STK31: variants seen among roughly 807,000 people sequenced by gnomAD.
The protein encoded by STK31 is serine/threonine-protein kinase 31.
In STK31, 89 loss-of-function variants were observed where a neutral mutation model predicts 129.7. The ratio of observed to expected loss-of-function variants is 0.69; its 90% CI spans 0.58 to 0.82. The LOEUF is 0.82. STK31 is among the 40% of genes least tolerant of loss of function. STK31 has a pLI of 0.00. For missense variants in STK31, 1,187 were observed against 1,176.4 expected (o/e 1.01, Z -0.13); for synonymous variants, 448 against 395.3 (o/e 1.13, Z -1.58).
At chr7:23,829,522 G>A (rs192626327) in intron 23 of STK31, among the ~76,000 whole-genome samples, 1,522 of 152,178 alleles carry the variant, frequency 0.01, 14 homozygotes, top group Non-Finnish European at 0.016. Flanking sequence ...TGTTGGATTC[G>A]GATTGGTAGT....
intron 8 of STK31, among the ~76,000 whole-genome samples, chr7:23,746,780 A>T (rs187826581): frequency 6.6e-6 from 1 of 152,136 alleles, no homozygotes; most frequent in Non-Finnish European, 1.5e-5. Context: ...GGTGACAGAG[A>T]TGGAAGAGGT....
intron 8 of STK31, among the ~76,000 whole-genome samples, chr7:23,742,419 A>C (rs1006547721): frequency 2.0e-5 from 3 of 152,162 alleles, no homozygotes; most frequent in African/African-American, 7.2e-5. Context: ...CCTGGTATCT[A>C]AACTCTTAAA....
intron 3 of STK31, among the ~76,000 whole-genome samples, chr7:23,717,097 C>CTTTTTTTTTTTTTTTTTTTTTTT (rs70956911): frequency 4.7e-5 from 2 of 42,956 alleles, no homozygotes; most frequent in Admixed American, 3.0e-4. Flanking sequence ...TCGCAACCTG[C>CTTTTTTTTTTTTTTTTTTTTTTT]TTTTTTTTTT....
chr7:23,776,612 T>C (rs1255361466), intron 15 of STK31, among the ~76,000 whole-genome samples: 1 of 152,230 alleles, frequency 6.6e-6, no homozygotes, highest in Admixed American at 6.5e-5. Flanking sequence ...TCTAGTCGAT[T>C]TGCATAGAGG....
At chr7:23,761,603 G>T (rs533020316) in intron 10 of STK31, among the ~76,000 whole-genome samples, 2 of 151,468 alleles carry the variant, frequency 1.3e-5, no homozygotes, top group Admixed American at 6.6e-5. Context: ...TGTATTTTTA[G>T]TAGAGATGGG....
intron 23 of STK31, among the ~76,000 whole-genome samples, chr7:23,818,886 A>G (rs1387441155): frequency 6.6e-6 from 1 of 152,120 alleles, no homozygotes; most frequent in Admixed American, 6.5e-5. Flanking sequence ...CAGCCTCCCA[A>G]AGTTCTGGGA....
chr7:23,790,743 T>A (rs1330904738), intron 21 of STK31, 81 bp from the exon 22 acceptor site: 20 of 1,259,532 alleles, frequency 1.6e-5, no homozygotes, highest in Non-Finnish European at 2.0e-5. Flanking sequence ...TTGTTTTTTG[T>A]ATTGATTAAA....
At chr7:23,782,424 A>G (rs2128109070) in intron 16 of STK31, among the ~76,000 whole-genome samples, 1 of 147,288 alleles carries the variant, frequency 6.8e-6, no homozygotes, top group Middle Eastern at 3.4e-3. Context: ...TTGAGCTATG[A>G]TCATGCCTCT....
chr7:23,717,038 A>G (rs1003677507), intron 3 of STK31, among the ~76,000 whole-genome samples: 1 of 140,178 alleles, frequency 7.1e-6, no homozygotes, highest in Non-Finnish European at 1.5e-5. Flanking sequence ...CTCAAAAATG[A>G]TCCTCCCACC....
chr7:23,809,420 T>G (rs1378016675), intron 22 of STK31, among the ~76,000 whole-genome samples: 6 of 152,156 alleles, frequency 3.9e-5, no homozygotes, highest in African/African-American at 1.2e-4. Context: ...CTTATTTTAC[T>G]GAAAAACTTG....
chr7:23,826,614 G>A (rs144455875), intron 23 of STK31, among the ~76,000 whole-genome samples: 3,758 of 152,184 alleles, frequency 0.025, 85 homozygotes, highest in African/African-American at 0.061. Flanking sequence ...GATTAATATT[G>A]TTATGTGTGA....
At chr7:23,774,389 G>C (rs1584423187) in intron 15 of STK31, among the ~76,000 whole-genome samples, 1 of 152,018 alleles carries the variant, frequency 6.6e-6, no homozygotes, top group Admixed American at 6.6e-5. Context: ...CTAGTTTACA[G>C]TCCCACCAAC....
chr7:23,761,464 A>G lies in STK31; in HGVS notation c.1294-1337A>G, dbSNP rs558465744. Among the ~76,000 whole-genome samples the G allele has an allele frequency of 2.0e-3, 296 of 147,292 alleles. 1 individual carries two copies. Among genetic ancestry groups the G allele is most frequent in the African/African-American group, 7.2e-3 (285 of 39,532 alleles). On this transcript the variant is annotated intron_variant, in intron 10 of 23. Transcript: ENST00000355870. ...GAGACGGAGTCTCGCTCTGTCGCCC[A>G]GGCCGGAGTGCAGTGGTGTGATCTC... is the stretch of plus-strand genomic sequence containing the variant.
chr7:23,735,625 C>T lies in STK31; in HGVS notation c.571C>T (p.Gln191Ter). 2 of 1,614,010 alleles carry T rather than the reference C, an allele frequency of 1.2e-6. No homozygotes were observed. The highest frequency in any genetic ancestry group is 1.7e-6 in the Non-Finnish European group (2 of 1,179,980). ...ATSEDGTVIA[Q>*]AEYGSVDIGE... ...CTCTGAAGATGGAACAGTTATTGCT[C>T]AGGCTGAGTATGGCAGTGTGGATAT... is the stretch of plus-strand genomic sequence containing the variant. Residue 191 changes from glutamine (Q) to a stop codon, truncating the protein, a stop_gained, in exon 7 of 24, where the codon CAG becomes TAG. Transcript: ENST00000355870. LOFTEE classifies it high-confidence loss of function.
In STK31 at chr7:23,770,933, T is replaced by G. The variant is rs142363260; in HGVS notation, c.1714-72T>G. 2.8e-6 allele frequency: 4 copies of G among 1,444,600 alleles called. No individual in the cohort carries two copies. In the African/African-American group the frequency reaches 5.9e-5, roughly 21 times the overall value. 89.5% of individuals were successfully genotyped at this position (1,444,600 alleles called of 1,614,324 possible). On this transcript the variant is annotated intron_variant, in intron 13 of 23. Coordinates refer to ENST00000355870, the MANE Select transcript of STK31 (RefSeq NM_031414.5). Reference sequence around the variant, plus strand: ...TAAAGGCATAATTTTGAAGTTTATCTATTGTTATTGGAGGCCTTAGCTGTT... The same window carrying G: ...TAAAGGCATAATTTTGAAGTTTATCGATTGTTATTGGAGGCCTTAGCTGTT...
At chr7:23,769,473 T>A (rs1159205748) in intron 12 of STK31, among the ~76,000 whole-genome samples, 167 bp from the exon 13 acceptor site, 1 of 152,174 alleles carries the variant, frequency 6.6e-6, no homozygotes, top group Non-Finnish European at 1.5e-5. Flanking sequence ...ATGTACCTTT[T>A]CCTTTCAGTG....
intron 11 of STK31, 94 bp downstream of exon 11, chr7:23,763,017 G>T: frequency 2.6e-6 from 3 of 1,148,332 alleles, no homozygotes; most frequent in Non-Finnish European, 3.5e-6. Context: ...ATTGTTCTGT[G>T]ATGGTTGCAA....
Position 23,717,563 on chromosome 7 carries a change from A to G in STK31, c.233A>G (p.Asn78Ser), listed in dbSNP as rs1192258726. 6.2e-7 allele frequency: 1 copy of G among 1,611,844 alleles called. No individual in the cohort carries two copies. The highest frequency in any genetic ancestry group is 8.5e-7 in the Non-Finnish European group (1 of 1,178,640). Residue 78 changes from asparagine (N) to serine (S), a missense_variant, in exon 4 of 24, where the codon AAT (asparagine) becomes AGT (serine). This residue lies in a region of STK31 where 104 missense variants were observed against 98.3 expected (regional missense o/e 1.06). Coordinates refer to ENST00000355870, the MANE Select transcript of STK31 (RefSeq NM_031414.5). The part of the protein sequence containing the change: ...VCPQASSVLG[N>S]LDPNKIYGGL... The stretch of plus-strand genomic sequence containing the variant: ...CCCCAGGCCAGTTCAGTTTTGGGGA[A>G]TCTTGACCCAAACAAGGTGAGCCAT...
intron 8 of STK31, 123 bp from the exon 9 acceptor site, chr7:23,752,594 G>A (rs1328491665): frequency 4.5e-5 from 31 of 694,740 alleles, no homozygotes; most frequent in Middle Eastern, 4.8e-4. Context: ...GTCCTCCTTG[G>A]CCTCCCAAAG....
Sources: allele counts gnomAD v4.1 joint callset (sites outside exome capture counted in the v4.1 genomes callset), GRCh38; gene constraint gnomAD v4.1.1; regional missense constraint gnomAD v4.1.1; transcripts MANE v1.5; gene names NCBI Gene and HGNC (gene_info 2026-07-23, HGNC 2026-07-21).